KIFC1: variants seen among roughly 807,000 people sequenced by gnomAD.
KIFC1 encodes kinesin-like protein KIFC1.
In KIFC1, 37 loss-of-function variants were observed where a neutral mutation model predicts 66.6. The observed-to-expected ratio is 0.56, with a 90% CI of 0.43 to 0.73. The LOEUF (loss-of-function observed/expected upper bound fraction) is 0.73. Among genes scored for constraint, KIFC1 ranks in the 30% least tolerant of loss-of-function variants. KIFC1 has a pLI of 0.00. For synonymous variants in KIFC1, 325 were observed against 343.5 expected, an observed-to-expected ratio of 0.95 and a Z score of 0.60; for missense variants, 721 against 859.8, an observed-to-expected ratio of 0.84 and a Z score of 2.02.
At chr6:33,391,473 C>T (rs1346490786), upstream of KIFC1, 1 of 174,364 alleles carries the variant, frequency 5.7e-6, no homozygotes, top group Non-Finnish European at 1.2e-5. Context: ...CATTTCTTTC[C>T]TCCAGCGTCC....
At chr6:33,409,065 A>G (rs982616719) in intron 10 of KIFC1, among the ~76,000 whole-genome samples, 55 of 152,246 alleles carry the variant, frequency 3.6e-4, no homozygotes, top group African/African-American at 1.3e-3. Flanking sequence ...CTACTTTGGG[A>G]GTCTGAGGCA....
rs1337797010 is a variant in KIFC1 at position 33,401,758 on chromosome 6, G to A, written c.251-1556G>A. On this transcript the variant is annotated intron_variant, in intron 3 of 10. Transcript: ENST00000428849. The surrounding 1 kb of genome is among the most constrained non-coding windows in gnomAD (Gnocchi z 4.5). ...GCACTGTCGCCCAGGCTAGAGTGCA[G>A]TGGCATGATCTCGGCTCACTGCAAG... Among the ~76,000 whole-genome samples the A allele has an allele frequency of 6.6e-6, 1 of 150,906 alleles. No homozygotes were observed. Among genetic ancestry groups the A allele is most frequent in the Non-Finnish European group, 1.5e-5 (1 of 67,908 alleles).
Position 33,401,825 on chromosome 6 carries a change from C to T in KIFC1, c.251-1489C>T, listed in dbSNP as rs1775389652. Among the ~76,000 whole-genome samples, 1 of 152,146 alleles carries T rather than the reference C, an allele frequency of 6.6e-6. No individual in the cohort carries two copies. Among genetic ancestry groups the T allele is most frequent in the Non-Finnish European group, 1.5e-5 (1 of 68,034 alleles). On this transcript the variant is annotated intron_variant, in intron 3 of 10. Coordinates refer to ENST00000428849, the MANE Select transcript of KIFC1 (RefSeq NM_002263.4). The surrounding 1 kb of genome is among the most constrained non-coding windows in gnomAD (Gnocchi z 4.5). ...CACACCATTCTCCTGCCTCAGCCTC[C>T]GGAGTAGCTGGGACTACAGGTGCCC...
intron 1 of KIFC1, among the ~76,000 whole-genome samples, chr6:33,396,743 A>G (rs1378884686): frequency 7.1e-6 from 1 of 141,336 alleles, no homozygotes; most frequent in African/African-American, 2.7e-5. Flanking sequence ...GTGCAGTGGC[A>G]CAATCTTGGC....
chr6:33,403,353 CA>C lies in KIFC1; in HGVS notation c.291del (p.Ala98LeufsTer6). On this transcript the variant is annotated frameshift_variant, in exon 4 of 11. Transcript: ENST00000428849. LOFTEE classifies it high-confidence loss of function. This position sits in a 1 kb window ranked among gnomAD's most constrained non-coding sequence, Gnocchi z 4.6. ...AAGAAGACAGGACCCCGGTGTTCCA[CA>C]GCTATTGCCACAGGTAACTGTGCTC... ...VSKKTGPRCS[T>X]AIATGLKNQK... is the part of the protein sequence containing the mutation. 1 of 1,614,112 alleles carries C rather than the reference CA, an allele frequency of 6.2e-7. No homozygotes were observed. The highest frequency in any genetic ancestry group is 8.5e-7 in the Non-Finnish European group (1 of 1,180,006).
rs1472627357 is a variant in KIFC1 at position 33,406,137 on chromosome 6, A to G, written c.1537-59A>G. 4 of 1,472,858 alleles carry G rather than the reference A, an allele frequency of 2.7e-6. No homozygotes were observed. The highest frequency in any genetic ancestry group is 3.7e-6 in the Non-Finnish European group (4 of 1,088,420). The allele number at this position is 1,472,858 out of a possible 1,614,324, so 91.2% of individuals were successfully genotyped here. On this transcript the variant is annotated intron_variant, in intron 7 of 10. Transcript: ENST00000428849. The surrounding 1 kb of genome is among the most constrained non-coding windows in gnomAD (Gnocchi z 4.5). ...GGGGTGGGCTCTTATTCATTTCCAT[A>G]CATATTACTATGTACTGACTTCTGC...
chr6:33,398,566 C>T (rs934466242), intron 3 of KIFC1, among the ~76,000 whole-genome samples, 179 bp downstream of exon 3: 13 of 152,170 alleles, frequency 8.5e-5, no homozygotes, highest in East Asian at 1.9e-4. Flanking sequence ...CAGGTTCAAA[C>T]GATTCTCCTA....
intron 10 of KIFC1, 138 bp downstream of exon 10, chr6:33,407,013 G>C (rs965736768): frequency 7.0e-7 from 1 of 1,433,988 alleles, no homozygotes; most frequent in Admixed American, 3.0e-5. Flanking sequence ...CTGCTCACCT[G>C]GTTCCATTTT....
At chr6:33,394,685 T>C (rs1181503968) in intron 1 of KIFC1, among the ~76,000 whole-genome samples, 1 of 152,192 alleles carries the variant, frequency 6.6e-6, no homozygotes, top group Non-Finnish European at 1.5e-5. Flanking sequence ...TTTTGCCATG[T>C]TGGCCAGGCT....
chr6:33,409,735 GTGTGTGTGTGTGTGTGTGTCCCTA>G lies in KIFC1; in HGVS notation c.*49_*72del. 9 of 1,362,198 alleles carry G rather than the reference GTGTGTGTGTGTGTGTGTGTCCCTA, an allele frequency of 6.6e-6. No individual in the cohort carries two copies. The highest frequency in any genetic ancestry group is 9.3e-6 in the Non-Finnish European group (9 of 968,936). The allele number at this position is 1,362,198 out of a possible 1,614,324, so 84.4% of individuals were successfully genotyped here. A position where few individuals can be genotyped will look rare whatever the true frequency, so the allele number is the denominator to read the frequency against. ...TGTGTGTGTGTGTGTGTGTGTGTGT[GTGTGTGTGTGTGTGTGTGTCCCTA>G]TGTCTATGTATCGGGTGAGGGGTGG... On this transcript the variant is annotated 3_prime_UTR_variant, in exon 11 of 11. Transcript: ENST00000428849.
At chr6:33,398,833 G>C (rs1775226587) in intron 3 of KIFC1, among the ~76,000 whole-genome samples, 1 of 152,154 alleles carries the variant, frequency 6.6e-6, no homozygotes, top group Non-Finnish European at 1.5e-5. Context: ...GTTGTATAGT[G>C]AAGTTTGCTT....
rs1416859857 is a variant in KIFC1, at chr6:33,406,512, C to T, written c.1827+26C>T. The stretch of plus-strand genomic sequence containing the variant: ...GTGGGAATGGGAGTGGGGTGAGATA[C>T]GGGACCTGGGGGACAGTTGGGGTTG... On this transcript the variant is annotated intron_variant, in intron 8 of 10. Coordinates refer to ENST00000428849, the MANE Select transcript of KIFC1 (RefSeq NM_002263.4). The surrounding 1 kb of genome is among the most constrained non-coding windows in gnomAD (Gnocchi z 4.5). 17 of 1,606,444 alleles carry T rather than the reference C, an allele frequency of 1.1e-5. No individual in the cohort carries two copies. The highest frequency in any genetic ancestry group is 3.4e-5 in the Admixed American group (2 of 59,656).
intron 3 of KIFC1, 45 bp downstream of exon 3, chr6:33,398,432 T>C (rs1775206339): frequency 7.6e-7 from 1 of 1,321,276 alleles, no homozygotes; most frequent in East Asian, 2.3e-5. Context: ...GGAAGTCCAG[T>C]GCTCTTCAAC....
At chr6:33,396,498 T>A (rs1775049548) in intron 1 of KIFC1, among the ~76,000 whole-genome samples, 1 of 139,208 alleles carries the variant, frequency 7.2e-6, no homozygotes, top group South Asian at 2.2e-4. Flanking sequence ...AGTGCTGGAG[T>A]GCAGTGGCAT....
chr6:33,399,144 T>G (rs1775247159), intron 3 of KIFC1, among the ~76,000 whole-genome samples: 1 of 152,148 alleles, frequency 6.6e-6, no homozygotes, highest in Non-Finnish European at 1.5e-5. Flanking sequence ...TCCCAGCACT[T>G]TGGGGGGCCA....
In KIFC1 at chr6:33,403,733, A is replaced by G; in HGVS notation, c.360A>G (p.Ser120=). The G allele has an allele frequency of 6.2e-7, 1 of 1,611,544 alleles. No homozygotes were observed. Among genetic ancestry groups the G allele is most frequent in the Middle Eastern group, 1.7e-4 (1 of 6,028 alleles). The change falls in exon 6 of 11, where the codon TCA becomes TCG. Residue 120 remains serine (S), a synonymous_variant. Transcript: ENST00000428849. This position sits in a 1 kb window ranked among gnomAD's most constrained non-coding sequence, Gnocchi z 4.6. ...TCCTTTCTGTGTTCATCTTAGCATC[A>G]GGTGTTCCTCCCATGGCAGGAGGGA... The part of the protein sequence containing the change: ...PAVPVQKSGT[S]GVPPMAGGKK...
Position 33,404,342 on chromosome 6 carries a change from T to C in KIFC1, c.756+213T>C, listed in dbSNP as rs578135125. 6.6e-5 allele frequency among the ~76,000 whole-genome samples: 10 copies of C among 152,346 alleles called. No individual in the cohort carries two copies. The South Asian group carries it at 2.1e-3, about 32-fold the overall frequency. ...CTTTCTGCCACGCTTCTTCCTACCC[T>C]TGACTGTTTGCAAAGCTCTCATTTA... On this transcript the variant is annotated intron_variant, in intron 6 of 10. Transcript: ENST00000428849. This position sits in a 1 kb window ranked among gnomAD's most constrained non-coding sequence, Gnocchi z 4.0.
intron 3 of KIFC1, among the ~76,000 whole-genome samples, chr6:33,399,735 G>T (rs559091747): frequency 6.6e-6 from 1 of 152,300 alleles, no homozygotes; most frequent in Non-Finnish European, 1.5e-5. Flanking sequence ...CCTGTACAGG[G>T]TACTAACCAT....
intron 10 of KIFC1, among the ~76,000 whole-genome samples, chr6:33,409,012 C>A (rs1217785689): frequency 6.6e-6 from 1 of 152,088 alleles, no homozygotes; most frequent in East Asian, 1.9e-4. Context: ...ACTAAAAATA[C>A]AAAAAATTCA....
Sources: gnomAD v4.1 joint callset for allele counts (sites outside exome capture counted in the v4.1 genomes callset) on GRCh38, gnomAD v4.1.1 for gene constraint, Gnocchi (gnomAD v3.1) non-coding constraint, MANE v1.5 for transcripts, NCBI Gene and HGNC (gene_info 2026-07-23, HGNC 2026-07-21) for gene names.